Variants in LSAMP observed in about 807,000 individuals in gnomAD.
The protein encoded by LSAMP is limbic system associated membrane protein, also known as limbic system-associated membrane protein.
LSAMP carries 7 observed loss-of-function variants against 38.6 expected under a neutral mutation model. That is an observed-to-expected ratio of 0.18 (90% confidence interval 0.10 to 0.34). The LOEUF (loss-of-function observed/expected upper bound fraction) is 0.34, where lower values mean the gene tolerates loss of function less well. Ranked by LOEUF, LSAMP falls within the 10% of genes least tolerant of loss-of-function variation. LSAMP has a pLI of 1.00. For synonymous variants in LSAMP, 154 were observed against 166.8 expected, an observed-to-expected ratio of 0.92 and a Z score of 0.59; for missense variants, 313 against 420.0, an observed-to-expected ratio of 0.75 and a Z score of 2.23.
chr3:116,427,694 C>T (rs1007102085), intron 1 of LSAMP, among the ~76,000 whole-genome samples: 3 of 152,036 alleles, frequency 2.0e-5, no homozygotes, highest in African/African-American at 4.8e-5. Context: ...CGGAATGGCC[C>T]GTGCAAGTAA....
intron 2 of LSAMP, among the ~76,000 whole-genome samples, chr3:116,030,015 TG>T (rs2107702144): frequency 6.6e-6 from 1 of 152,258 alleles, no homozygotes; most frequent in South Asian, 2.1e-4. Flanking sequence ...AACTTAAACA[TG>T]GTAGCCATGG....
chr3:115,998,705 G>A (rs1029056859), intron 3 of LSAMP, among the ~76,000 whole-genome samples: 36 of 152,088 alleles, frequency 2.4e-4, no homozygotes, highest in African/African-American at 4.8e-4. Context: ...TAAGTTTCTC[G>A]TTTTACTTAT....
intron 1 of LSAMP, among the ~76,000 whole-genome samples, chr3:116,393,108 G>A (rs2048725270): frequency 6.6e-6 from 1 of 152,118 alleles, no homozygotes; most frequent in South Asian, 2.1e-4. Flanking sequence ...ACAAGAACTT[G>A]GGACCTGCTG....
chr3:115,965,090 C>T (rs574392057), intron 3 of LSAMP, among the ~76,000 whole-genome samples: 4 of 151,770 alleles, frequency 2.6e-5, no homozygotes, highest in Non-Finnish European at 4.4e-5. Flanking sequence ...GCAAAAAATA[C>T]GATATGAGAG....
intron 1 of LSAMP, among the ~76,000 whole-genome samples, chr3:116,225,827 A>G (rs1159125325): frequency 8.6e-5 from 13 of 151,834 alleles, no homozygotes; most frequent in Admixed American, 8.5e-4. Flanking sequence ...CTCTTATATT[A>G]TGATGTTTGG....
intron 2 of LSAMP, among the ~76,000 whole-genome samples, chr3:116,063,303 T>C (rs1380860031): frequency 1.3e-5 from 2 of 152,194 alleles, no homozygotes; most frequent in African/African-American, 2.4e-5. Context: ...ACAATTCTTA[T>C]AGTACTTTAA....
intron 2 of LSAMP, among the ~76,000 whole-genome samples, chr3:116,073,309 C>A (rs1272978875): frequency 1.3e-5 from 2 of 152,062 alleles, no homozygotes; most frequent in Non-Finnish European, 2.9e-5. Context: ...GTTACTGTGG[C>A]TTTGTACTAT....
chr3:116,312,163 G>A (rs948165820), intron 1 of LSAMP, among the ~76,000 whole-genome samples: 2 of 152,128 alleles, frequency 1.3e-5, no homozygotes, highest in African/African-American at 4.8e-5. Context: ...AAATTCGCAT[G>A]TACTCCCACA....
intron 3 of LSAMP, among the ~76,000 whole-genome samples, chr3:115,862,455 G>A (rs1935733703): frequency 6.6e-6 from 1 of 152,166 alleles, no homozygotes; most frequent in Admixed American, 6.5e-5. Context: ...ACCTGATGTT[G>A]CAATGACCTC....
chr3:115,943,336 G>T (rs539737009), intron 3 of LSAMP, among the ~76,000 whole-genome samples: 1 of 152,156 alleles, frequency 6.6e-6, no homozygotes, highest in Admixed American at 6.6e-5. Context: ...TCTTCCTTGA[G>T]ACCAGCTAGA....
At chr3:116,251,924 C>T (rs1485024283) in intron 1 of LSAMP, among the ~76,000 whole-genome samples, 1 of 152,116 alleles carries the variant, frequency 6.6e-6, no homozygotes, top group Non-Finnish European at 1.5e-5. Context: ...ATACATTTGA[C>T]CAATAGTGAC....
At chr3:115,874,004 T>C (rs58593440) in intron 3 of LSAMP, among the ~76,000 whole-genome samples, 8,905 of 152,168 alleles carry the variant, frequency 0.059, 844 homozygotes, top group African/African-American at 0.2. Flanking sequence ...TAATAAGAAA[T>C]ATATTACACT....
At position 116,445,395 on chromosome 3, in the gene LSAMP, C is replaced by G. The variant is rs1440658407; in HGVS notation, c.-364G>C. On this transcript the variant is annotated 5_prime_UTR_variant, in exon 1 of 7. Transcript: ENST00000490035. Reference sequence around the variant, plus strand: ...TGCCAGTGTCTGAGCTGAGCTCCTTCGCTCTGTAACCCACTTTCCCAGGCT... The same window carrying G: ...TGCCAGTGTCTGAGCTGAGCTCCTTGGCTCTGTAACCCACTTTCCCAGGCT... 4.4e-6 allele frequency: 2 copies of G among 450,320 alleles called. No homozygotes were observed. The highest frequency in any genetic ancestry group is 3.8e-5 in the Admixed American group (1 of 26,112). The allele number at this position is 450,320 out of a possible 1,614,324, so 27.9% of individuals were successfully genotyped here. A position where few individuals can be genotyped will look rare whatever the true frequency, so the allele number is the denominator to read the frequency against.
intron 6 of LSAMP, among the ~76,000 whole-genome samples, chr3:115,819,051 G>A (rs1440507854): frequency 6.6e-6 from 1 of 151,512 alleles, no homozygotes; most frequent in Non-Finnish European, 1.5e-5. Context: ...TCGGGAAGCT[G>A]AGGCAGGAGA....
chr3:116,116,472 G>A (rs554061250), intron 1 of LSAMP, among the ~76,000 whole-genome samples: 6 of 150,714 alleles, frequency 4.0e-5, no homozygotes, highest in African/African-American at 1.2e-4. Flanking sequence ...CGAGGCAGGC[G>A]GGTCATGAGG....
chr3:115,874,311 C>T (rs1303839148), intron 3 of LSAMP, among the ~76,000 whole-genome samples: 1 of 152,120 alleles, frequency 6.6e-6, no homozygotes, highest in African/African-American at 2.4e-5. Flanking sequence ...TCTGTCTCAG[C>T]ATCTTTCCTT....
chr3:116,095,234 A>T (rs912599067), intron 1 of LSAMP, among the ~76,000 whole-genome samples: 3 of 152,218 alleles, frequency 2.0e-5, no homozygotes, highest in Non-Finnish European at 4.4e-5. Flanking sequence ...ACTTATTACA[A>T]TGATCATCAC....
At chr3:116,141,763 G>A (rs1709375583) in intron 1 of LSAMP, among the ~76,000 whole-genome samples, 1 of 151,918 alleles carries the variant, frequency 6.6e-6, no homozygotes, top group South Asian at 2.1e-4. Context: ...GCTTGTGAGA[G>A]CTCCGGAGCT....
chr3:116,177,910 G>T (rs1262621436), intron 1 of LSAMP, among the ~76,000 whole-genome samples: 1 of 152,208 alleles, frequency 6.6e-6, no homozygotes, highest in African/African-American at 2.4e-5. Flanking sequence ...CTATAAAACA[G>T]CTGCTAGGAT....
Sources: gnomAD v4.1 joint callset for allele counts (sites outside exome capture counted in the v4.1 genomes callset) on GRCh38, gnomAD v4.1.1 for gene constraint, MANE v1.5 for transcripts, NCBI Gene and HGNC (gene_info 2026-07-23, HGNC 2026-07-21) for gene names.